Variants in F5 observed in about 807,000 individuals in gnomAD.
F5 encodes coagulation factor V, also known as activated protein c cofactor.
A neutral mutation model predicts 216.4 loss-of-function variants in F5; 138 were observed. The observed-to-expected ratio is 0.64, with a 90% CI of 0.56 to 0.73. The LOEUF (loss-of-function observed/expected upper bound fraction) is 0.73. Among genes scored for constraint, F5 ranks in the 30% least tolerant of loss-of-function variants. The probability of loss-of-function intolerance (pLI) is 0.00; values close to 1 mark genes in which losing one functional copy is unlikely to be tolerated. For synonymous variants in F5, 916 were observed against 930.7 expected (o/e 0.98, Z 0.29); for missense variants, 2,403 against 2,674.0 (o/e 0.90, Z 2.24).
chr1:169,529,804 G>A lies in F5; in HGVS notation c.5223C>T (p.His1741=). ...TTAGGAGGGGACCTATCAAGCCTGA[G>A]TGAATATCTTTTTCCTGGAAAAACA... ...YSAVNPEKDI[H]SGLIGPLLIC... The change falls in exon 16 of 25, where the codon CAC becomes CAT. Residue 1741 remains histidine (H), a synonymous_variant. Coordinates refer to ENST00000367797, the MANE Select transcript of F5 (RefSeq NM_000130.5). 6.2e-7 allele frequency: 1 copy of A among 1,613,362 alleles called. No individual in the cohort carries two copies. The highest frequency in any genetic ancestry group is 8.5e-7 in the Non-Finnish European group (1 of 1,179,524).
chr1:169,532,490 A>G (rs1465256217), intron 14 of F5, among the ~76,000 whole-genome samples: 1 of 152,252 alleles, frequency 6.6e-6, no homozygotes, highest in Non-Finnish European at 1.5e-5. Flanking sequence ...AAATGACTTC[A>G]GTAAAGTTTC....
intron 4 of F5, 23 bp downstream of exon 4, chr1:169,560,531 T>C (rs1313926151): frequency 5.6e-6 from 9 of 1,609,984 alleles, no homozygotes; most frequent in Admixed American, 3.3e-5. Flanking sequence ...AGTTGTTGAA[T>C]CTTTTGGTGG....
chr1:169,520,471 C>A (rs768954208), intron 22 of F5, 49 bp downstream of exon 22: 5 of 1,611,832 alleles, frequency 3.1e-6, no homozygotes, highest in Non-Finnish European at 3.4e-6. Flanking sequence ...CCTCCCAAAT[C>A]TTGATTCTTT....
In F5 at chr1:169,540,973, T is replaced by C; in HGVS notation, c.4117A>G (p.Thr1373Ala). The change falls in exon 13 of 25, where the codon ACA becomes GCA. Residue 1373 changes from threonine (T) to alanine (A), a missense_variant. Physicochemically the swap from Thr to Ala is moderately conservative, Grantham distance 58. This residue lies in a region of F5 where 293 missense variants were observed against 270.8 expected (regional missense o/e 1.08). Transcript: ENST00000367797. ...HTTLSLDLSQTNLSPELSQTN... is the reference protein window; with the variant it reads ...HTTLSLDLSQANLSPELSQTN... ...TGACTGAGTTCTGGAGAGAGGTTTG[T>C]CTGGCTGAGGTCTAGAGAAAGGGTT... The C allele has an allele frequency of 1.3e-6, 2 of 1,595,790 alleles. No homozygotes were observed. Among genetic ancestry groups the C allele is most frequent in the Non-Finnish European group, 1.7e-6 (2 of 1,166,260 alleles).
chr1:169,541,614 T>C lies in F5; in HGVS notation c.3476A>G (p.Tyr1159Cys), dbSNP rs1557915420. 1.9e-6 allele frequency: 3 copies of C among 1,614,010 alleles called. No individual in the cohort carries two copies. The African/African-American group carries it at 4.0e-5, about 22-fold the overall frequency. ...GGGGAAGGACTTGTGACTTCGGTCATACTCAAGCATTTCACTGAGCTCTGG... is the reference window on the plus strand; with the variant it reads ...GGGGAAGGACTTGTGACTTCGGTCACACTCAAGCATTTCACTGAGCTCTGG... ...SSPELSEMLE[Y>C]DRSHKSFPTD... Residue 1159 changes from tyrosine (Y) to cysteine (C), a missense_variant, in exon 13 of 25, where the codon TAT becomes TGT. By Grantham distance (194) the Tyr-to-Cys change is radical. Transcript: ENST00000367797.
At chr1:169,525,762 T>G (rs1331997078) in intron 18 of F5, 139 bp downstream of exon 18, 4 of 738,612 alleles carry the variant, frequency 5.4e-6, no homozygotes, top group Middle Eastern at 3.1e-4. Context: ...TGGGCCGGAA[T>G]AAAAGCAATT....
At chr1:169,580,110 C>T (rs542160558) in intron 2 of F5, among the ~76,000 whole-genome samples, 1 of 152,234 alleles carries the variant, frequency 6.6e-6, no homozygotes, top group South Asian at 2.1e-4. Context: ...CCCTTGCCTC[C>T]CCACTTGGCT....
At chr1:169,540,188 C>T in intron 13 of F5, 106 bp downstream of exon 13, 1 of 1,239,946 alleles carries the variant, frequency 8.1e-7, no homozygotes, top group Non-Finnish European at 1.2e-6. Flanking sequence ...GGGAACCACA[C>T]TGTTCTTAGT....
At position 169,550,670 on chromosome 1, in the gene F5, C is replaced by T; in HGVS notation, c.1366G>A (p.Glu456Lys). 4 of 1,614,026 alleles carry T rather than the reference C, an allele frequency of 2.5e-6. No homozygotes were observed. Among genetic ancestry groups the T allele is most frequent in the Non-Finnish European group, 3.4e-6 (4 of 1,179,928 alleles). Residue 456 changes from glutamate (E) to lysine (K), a missense_variant, in exon 9 of 25, where the codon GAA (glutamate) becomes AAA (lysine). Coordinates refer to ENST00000367797, the MANE Select transcript of F5 (RefSeq NM_000130.5). ...GTGAAAGAAGAGTTGACTTCATCTT[C>T]ATAAGGCGAGAAGGTCACTCCATGA... ...YPHGVTFSPYEDEVNSSFTSG... is the reference protein window; with the variant it reads ...YPHGVTFSPYKDEVNSSFTSG...
intron 19 of F5, 107 bp from the exon 20 acceptor site, chr1:169,524,011 TG>T: frequency 1.1e-6 from 1 of 930,078 alleles, no homozygotes; most frequent in Non-Finnish European, 1.7e-6. Flanking sequence ...GGACCTGTGT[TG>T]TAGTCAGGAG....
rs142670989 is a variant in F5, at chr1:169,516,443, A to G, written c.6346-817T>C. 7.5e-4 allele frequency among the ~76,000 whole-genome samples: 114 copies of G among 152,324 alleles called. 1 individual carries two copies. The East Asian group carries it at 0.018, about 24-fold the overall frequency. ...AATAATATTGATATGTTTCTTCAACATCACCCACACATACATAAGTGTATG... is the reference window on the plus strand; with the variant it reads ...AATAATATTGATATGTTTCTTCAACGTCACCCACACATACATAAGTGTATG... On this transcript the variant is annotated intron_variant, in intron 23 of 24. Transcript: ENST00000367797.
chr1:169,557,704 A>G (rs1445290250), intron 5 of F5, among the ~76,000 whole-genome samples: 1 of 151,856 alleles, frequency 6.6e-6, no homozygotes, highest in Non-Finnish European at 1.5e-5. Context: ...TAGATACTAG[A>G]TAATGGGCCT....
Position 169,586,396 on chromosome 1 carries a change from C to T in F5, c.-10G>A, listed in dbSNP as rs1557937443. On this transcript the variant is annotated 5_prime_UTR_variant, in exon 1 of 25. Transcript: ENST00000367797. The stretch of plus-strand genomic sequence containing the variant: ...GGCAGCCTGGGAACATGCTTCCTTT[C>T]CTGCTCCCGCTGGCTGCCACCACCC... 6.2e-7 allele frequency: 1 copy of T among 1,611,222 alleles called. No individual in the cohort carries two copies. The highest frequency in any genetic ancestry group is 1.7e-5 in the Admixed American group (1 of 59,958).
In F5 at chr1:169,530,979, G is replaced by T; in HGVS notation, c.5015C>A (p.Ala1672Asp). 6.2e-7 allele frequency: 1 copy of T among 1,613,666 alleles called. No homozygotes were observed. The highest frequency in any genetic ancestry group is 2.2e-5 in the East Asian group (1 of 44,876). The change falls in exon 15 of 25, where the codon GCC becomes GAC. Residue 1672 changes from alanine (A) to aspartate (D), a missense_variant. Physicochemically the swap from Ala to Asp is moderately radical, Grantham distance 126. Coordinates refer to ENST00000367797, the MANE Select transcript of F5 (RefSeq NM_000130.5). The part of the protein sequence containing the change: ...NLASRPYSLH[A>D]HGLSYEKSSE... Reference sequence around the variant, plus strand: ...TGATTTTTCATAGGAAAGTCCATGGGCATGTAGAGAATACGGTCTGGATGC... The same window carrying T: ...TGATTTTTCATAGGAAAGTCCATGGTCATGTAGAGAATACGGTCTGGATGC...
rs35651599 is a variant in F5 at position 169,521,615 on chromosome 1, A to ATT, written c.6049-953_6049-952dup. Among the ~76,000 whole-genome samples the ATT allele has an allele frequency of 2.8e-4, 30 of 106,256 alleles. 1 individual carries two copies. The highest frequency in any genetic ancestry group is 4.5e-4 in the Admixed American group (4 of 8,928). 69.7% of individuals were successfully genotyped at this position (106,256 alleles called of 152,430 possible). A position where few individuals can be genotyped will look rare whatever the true frequency, so the allele number is the denominator to read the frequency against. On this transcript the variant is annotated intron_variant, in intron 21 of 24. Transcript: ENST00000367797. Reference sequence around the variant, plus strand: ...AAAACAAGGCTGGTTCTGTGAAAAGATTTTTTTTTTTTTTTTTTTTTTTTG... The same window carrying ATT: ...AAAACAAGGCTGGTTCTGTGAAAAGATTTTTTTTTTTTTTTTTTTTTTTTTTG...
In F5 at chr1:169,549,964, TAA is replaced by T; in HGVS notation, c.1446_1447del (p.Tyr483Ter). 6.2e-7 allele frequency: 1 copy of T among 1,614,182 alleles called. No individual in the cohort carries two copies. Among genetic ancestry groups the T allele is most frequent in the Non-Finnish European group, 8.5e-7 (1 of 1,180,022 alleles). ...ATCAAACTCTAAGATGTTCCACTTATAAGTATAGGTTTCCCCTGGTTGAACTG... is the reference window on the plus strand; with the variant it reads ...ATCAAACTCTAAGATGTTCCACTTATGTATAGGTTTCCCCTGGTTGAACTG... On this transcript the variant is annotated frameshift_variant, in exon 10 of 25. Transcript: ENST00000367797. LOFTEE classifies it high-confidence loss of function.
rs757621290 is a variant in F5, at chr1:169,540,323, T to C, written c.4767A>G (p.Ile1589Met). Residue 1589 changes from isoleucine (I) to methionine (M), a missense_variant, in exon 13 of 25, where the codon ATA (isoleucine) becomes ATG (methionine). Physicochemically the swap from Ile to Met is conservative, Grantham distance 10. This residue lies in a region of F5 where 659 missense variants were observed against 787.9 expected (regional missense o/e 0.84). Coordinates refer to ENST00000367797, the MANE Select transcript of F5 (RefSeq NM_000130.5). ...RRNYYIAAEE[I>M]SWDYSEFVQR... ...GTACAAATTCTGAATAATCCCAGGA[T>C]ATTTCTTCAGCAGCAATGTAATAAT... The C allele has an allele frequency of 9.3e-6, 15 of 1,613,890 alleles. No individual in the cohort carries two copies. In the South Asian group the frequency reaches 1.5e-4, roughly 17 times the overall value.
At chr1:169,558,230 TA>T (rs3835454) in intron 5 of F5, among the ~76,000 whole-genome samples, 47,260 of 151,912 alleles carry the variant, frequency 0.31, 9,524 homozygotes, top group East Asian at 0.65. Flanking sequence ...TCAGATTATC[TA>T]AGGTCGAGGT....
chr1:169,552,143 T>G (rs1403944176), intron 8 of F5, among the ~76,000 whole-genome samples: 1 of 152,228 alleles, frequency 6.6e-6, no homozygotes, highest in Non-Finnish European at 1.5e-5. Context: ...AAGTTCCTCT[T>G]AGATCTTAAC....
Sources: gnomAD v4.1 joint callset for allele counts (sites outside exome capture counted in the v4.1 genomes callset) on GRCh38, gnomAD v4.1.1 for gene constraint, gnomAD v4.1.1 regional missense constraint, MANE v1.5 for transcripts, NCBI Gene and HGNC (gene_info 2026-07-23, HGNC 2026-07-21) for gene names.